CLVS2: variants seen among roughly 807,000 people sequenced by gnomAD.
CLVS2 encodes the protein clavesin-2.
CLVS2 carries 19 observed loss-of-function variants against 29.0 expected under a neutral mutation model. That is an observed-to-expected ratio of 0.66 (90% confidence interval 0.46 to 0.96). CLVS2 has a LOEUF of 0.96. CLVS2 is among the 40% of genes least tolerant of loss of function. The pLI is 0.00. For missense variants in CLVS2, 294 were observed against 404.1 expected, an observed-to-expected ratio of 0.73 and a Z score of 2.34; for synonymous variants, 161 against 151.3, an observed-to-expected ratio of 1.06 and a Z score of -0.47.
intron 3 of CLVS2, among the ~76,000 whole-genome samples, chr6:123,035,967 G>C (rs1044811393): frequency 5.9e-5 from 9 of 152,124 alleles, no homozygotes; most frequent in Non-Finnish European, 1.3e-4. Flanking sequence ...AAAGACTGTA[G>C]ATGTGTGTGG....
intron 3 of CLVS2, among the ~76,000 whole-genome samples, chr6:123,031,168 G>C (rs932541814): frequency 2.0e-5 from 3 of 151,810 alleles, no homozygotes; most frequent in African/African-American, 7.3e-5. Flanking sequence ...ACAGGGTTTC[G>C]CCATGTTGCC....
rs1017403864 is a variant in CLVS2 at position 123,002,049 on chromosome 6, T to C, written c.389+3883T>C. On this transcript the variant is annotated intron_variant, in intron 2 of 5. Transcript: ENST00000275162. Reference sequence around the variant, plus strand: ...AGCAAACAACCATTTATCTGGAATATGGTTAATAGTCATTAGAAACAGTAA... The same window carrying C: ...AGCAAACAACCATTTATCTGGAATACGGTTAATAGTCATTAGAAACAGTAA... Among the ~76,000 whole-genome samples the C allele has an allele frequency of 3.9e-5, 6 of 152,248 alleles. No homozygotes were observed. In the South Asian group the frequency reaches 1.2e-3, roughly 31 times the overall value.
At chr6:123,015,256 T>A (rs1012447677) in intron 3 of CLVS2, among the ~76,000 whole-genome samples, 1 of 151,966 alleles carries the variant, frequency 6.6e-6, no homozygotes, top group Non-Finnish European at 1.5e-5. Context: ...CTATATGGTG[T>A]GGCTTGTGCT....
chr6:123,047,215 T>G (rs994575519), intron 3 of CLVS2, among the ~76,000 whole-genome samples: 6 of 152,150 alleles, frequency 3.9e-5, no homozygotes, highest in African/African-American at 1.4e-4. Context: ...TATGAGTATT[T>G]GTCTTAGTAT....
intron 3 of CLVS2, among the ~76,000 whole-genome samples, chr6:123,017,920 T>G (rs77452454): frequency 0.03 from 4,499 of 152,100 alleles, 77 homozygotes; most frequent in African/African-American, 0.049. Flanking sequence ...GAGAAATGAG[T>G]GCTCTAGGGT....
At chr6:123,038,369 C>G (rs992819629) in intron 3 of CLVS2, among the ~76,000 whole-genome samples, 1 of 152,144 alleles carries the variant, frequency 6.6e-6, no homozygotes, top group African/African-American at 2.4e-5. Context: ...CTTACATTTC[C>G]TATCCTTGAG....
intron 4 of CLVS2, among the ~76,000 whole-genome samples, chr6:123,049,108 C>T (rs921606056): frequency 6.6e-6 from 1 of 152,132 alleles, no homozygotes; most frequent in African/African-American, 2.4e-5. Context: ...GATGTTTTTT[C>T]ACAGTATGTA....
At chr6:123,025,338 C>A (rs1269034318) in intron 3 of CLVS2, among the ~76,000 whole-genome samples, 1 of 152,094 alleles carries the variant, frequency 6.6e-6, no homozygotes, top group Non-Finnish European at 1.5e-5. Context: ...TGGACTGAAT[C>A]CATAGCCCAG....
rs1040972355 is a variant in CLVS2 at position 122,996,703 on chromosome 6, A to C, written c.-603A>C. On this transcript the variant is annotated 5_prime_UTR_variant, in exon 1 of 6. Transcript: ENST00000275162. ...GCTGAAGCCGCGGCTGATGGATGCC[A>C]GGGAGTGCCGCATTGCTTAGCGACC... 3 of 167,796 alleles carry C rather than the reference A, an allele frequency of 1.8e-5. No homozygotes were observed. The highest frequency in any genetic ancestry group is 7.2e-5 in the African/African-American group (3 of 41,500). The allele number at this position is 167,796 out of a possible 1,614,324, so 10.4% of individuals were successfully genotyped here. A position where few individuals can be genotyped will look rare whatever the true frequency, so the allele number is the denominator to read the frequency against.
At chr6:123,052,132 A>G (rs1337409738) in intron 4 of CLVS2, among the ~76,000 whole-genome samples, 3 of 152,206 alleles carry the variant, frequency 2.0e-5, no homozygotes, top group African/African-American at 4.8e-5. Context: ...AAATTATATG[A>G]TATATTAGAA....
chr6:123,048,833 C>T, intron 4 of CLVS2, 101 bp downstream of exon 4: 1 of 751,088 alleles, frequency 1.3e-6, no homozygotes, highest in African/African-American at 1.7e-5. Context: ...TGTACTTCTA[C>T]ATTGTATAGA....
rs1247876966 is a variant in CLVS2, at chr6:123,069,766, A to G, written c.*6005A>G. 1 of 151,874 alleles carries G rather than the reference A, an allele frequency of 6.6e-6. No homozygotes were observed. The highest frequency in any genetic ancestry group is 2.4e-5 in the African/African-American group (1 of 41,398). The allele number at this position is 151,874 out of a possible 1,614,324, so 9.4% of individuals were successfully genotyped here. A position where few individuals can be genotyped will look rare whatever the true frequency, so the allele number is the denominator to read the frequency against. On this transcript the variant is annotated 3_prime_UTR_variant, in exon 6 of 6. Coordinates refer to ENST00000275162, the MANE Select transcript of CLVS2 (RefSeq NM_001010852.4). ...AGTAGAAAATATTTTCTACTCGAAG[A>G]GGCCATGGGGAAGTGATGGTCAAAT... is the stretch of plus-strand genomic sequence containing the variant.
chr6:123,004,950 CA>C (rs61607272), intron 2 of CLVS2, among the ~76,000 whole-genome samples: 2,777 of 148,508 alleles, frequency 0.019, 28 homozygotes, highest in Middle Eastern at 0.049. Context: ...AAACAAAAAA[CA>C]AAAAAAAAAA....
chr6:123,066,858 G>T lies in CLVS2; in HGVS notation c.*3097G>T, dbSNP rs1772869849. 1 of 151,232 alleles carries T rather than the reference G, an allele frequency of 6.6e-6. No homozygotes were observed. The highest frequency in any genetic ancestry group is 2.1e-4 in the South Asian group (1 of 4,780). 9.4% of individuals were successfully genotyped at this position (151,232 alleles called of 1,614,324 possible). A position where few individuals can be genotyped will look rare whatever the true frequency, so the allele number is the denominator to read the frequency against. On this transcript the variant is annotated 3_prime_UTR_variant, in exon 6 of 6. Transcript: ENST00000275162. Reference sequence around the variant, plus strand: ...ATATCATTTGAAGAAGGATATTTAAGGCCTTTATTTGAACATACTCATACA... The same window carrying T: ...ATATCATTTGAAGAAGGATATTTAATGCCTTTATTTGAACATACTCATACA...
In CLVS2 at chr6:123,070,840, A is replaced by C. The variant is rs538928141; in HGVS notation, c.*7079A>C. ...TCTTTGCTGTTCCAGGAACTTGCTA[A>C]GCATGCCTCTACCTCAGGACTTTCG... On this transcript the variant is annotated 3_prime_UTR_variant, in exon 6 of 6. Coordinates refer to ENST00000275162, the MANE Select transcript of CLVS2 (RefSeq NM_001010852.4). 2 of 152,066 alleles carry C rather than the reference A, an allele frequency of 1.3e-5. No homozygotes were observed. Among genetic ancestry groups the C allele is most frequent in the African/African-American group, 2.4e-5 (1 of 41,506 alleles). The allele number at this position is 152,066 out of a possible 1,614,324, so 9.4% of individuals were successfully genotyped here. A position where few individuals can be genotyped will look rare whatever the true frequency, so the allele number is the denominator to read the frequency against.
intron 3 of CLVS2, among the ~76,000 whole-genome samples, chr6:123,016,380 G>A (rs945645305): frequency 2.0e-5 from 3 of 151,104 alleles, no homozygotes; most frequent in Non-Finnish European, 4.4e-5. Context: ...TTAATAAAAT[G>A]TCTCTAAAAC....
At chr6:122,999,968 T>G (rs1774565584) in intron 2 of CLVS2, among the ~76,000 whole-genome samples, 1 of 152,192 alleles carries the variant, frequency 6.6e-6, no homozygotes. Flanking sequence ...AGACACTGTG[T>G]TTTAGTTGTC....
intron 3 of CLVS2, among the ~76,000 whole-genome samples, chr6:123,012,566 A>G (rs1209828989): frequency 1.3e-5 from 2 of 151,904 alleles, no homozygotes; most frequent in Non-Finnish European, 2.9e-5. Flanking sequence ...TTTTTTAATA[A>G]TACTGTGATA....
At chr6:123,042,110 A>T (rs1045255218) in intron 3 of CLVS2, among the ~76,000 whole-genome samples, 4 of 152,182 alleles carry the variant, frequency 2.6e-5, no homozygotes, top group African/African-American at 9.6e-5. Flanking sequence ...TTAAGGAATC[A>T]TGAATATGTG....
Sources: allele counts gnomAD v4.1 joint callset (sites outside exome capture counted in the v4.1 genomes callset), GRCh38; gene constraint gnomAD v4.1.1; transcripts MANE v1.5; gene names NCBI Gene and HGNC (gene_info 2026-07-23, HGNC 2026-07-21).